The following NRXN3 variants were observed in gnomAD, a reference collection of about 807,000 sequenced individuals.
The protein encoded by NRXN3 is neurexin III.
In NRXN3, 32 loss-of-function variants were observed where a neutral mutation model predicts 137.6. The observed-to-expected ratio is 0.23, with a 90% confidence interval of 0.18 to 0.31. The LOEUF is 0.31. Among genes scored for constraint, NRXN3 ranks in the 10% least tolerant of loss-of-function variants. The pLI is 1.00. For synonymous variants in NRXN3, 798 were observed against 784.5 expected (o/e 1.02, Z -0.29); for missense variants, 1,574 against 2,062.5 (o/e 0.76, Z 4.59).
chr14:79,801,362 A>C (rs1485073809), intron 19 of NRXN3, among the ~76,000 whole-genome samples: 1 of 152,244 alleles, frequency 6.6e-6, no homozygotes. Context: ...AATTGTCAGC[A>C]ACAAAGAACA....
intron 6 of NRXN3, among the ~76,000 whole-genome samples, chr14:78,659,515 C>CA (rs1475328740): frequency 4.0e-5 from 6 of 151,582 alleles, no homozygotes; most frequent in East Asian, 1.9e-4. Flanking sequence ...TGTGTGTGTA[C>CA]AAAAAACATA....
intron 20 of NRXN3, chr14:79,860,979 G>A: frequency 1.0e-6 from 1 of 972,378 alleles, no homozygotes; most frequent in African/African-American, 1.6e-5. Flanking sequence ...GAATGACGTT[G>A]GTTGAGTGAG....
chr14:79,140,479 T>A (rs541731834), intron 15 of NRXN3, among the ~76,000 whole-genome samples: 86 of 152,178 alleles, frequency 5.7e-4, no homozygotes, highest in African/African-American at 1.8e-3. Context: ...TTAATGTTGG[T>A]TCACCCCCAT....
At chr14:79,637,146 C>A (rs944466529) in intron 16 of NRXN3, among the ~76,000 whole-genome samples, 1 of 152,102 alleles carries the variant, frequency 6.6e-6, no homozygotes, top group African/African-American at 2.4e-5. Flanking sequence ...ATCAGGTAAC[C>A]CCTTCCTACT....
At chr14:78,950,612 A>G (rs2099385164) in intron 10 of NRXN3, among the ~76,000 whole-genome samples, 1 of 151,914 alleles carries the variant, frequency 6.6e-6, no homozygotes. Flanking sequence ...AAAGAGAGGG[A>G]GGGAAGGAAG....
rs527486862 is a variant in NRXN3 at position 79,697,661 on chromosome 14, G to A, written c.3738G>A (p.Ala1246=). ...GRQLTIFNTQ[A]QIAIGGKDKG... Reference sequence around the variant, plus strand: ...AGTTAACCATCTTCAACACTCAGGCGCAAATAGCCATTGGTGGAAAGGACA... The same window carrying A: ...AGTTAACCATCTTCAACACTCAGGCACAAATAGCCATTGGTGGAAAGGACA... The change falls in exon 19 of 21, where the codon GCG becomes GCA. Residue 1246 remains alanine, a synonymous_variant. Transcript: ENST00000335750. 2.4e-5 allele frequency: 38 copies of A among 1,612,624 alleles called. 1 individual carries two copies. The highest frequency in any genetic ancestry group is 1.8e-4 in the South Asian group (16 of 91,026).
intron 16 of NRXN3, among the ~76,000 whole-genome samples, chr14:79,566,505 A>G (rs542944197): frequency 1.3e-5 from 2 of 152,026 alleles, no homozygotes; most frequent in Non-Finnish European, 2.9e-5. Context: ...TTTTGCCCCC[A>G]TGGAGAAGCA....
chr14:78,675,334 A>G (rs1233794617), intron 6 of NRXN3, among the ~76,000 whole-genome samples: 1 of 152,232 alleles, frequency 6.6e-6, no homozygotes, highest in Non-Finnish European at 1.5e-5. Flanking sequence ...AGTGGAATCT[A>G]AAAGTCTCTA....
intron 16 of NRXN3, among the ~76,000 whole-genome samples, chr14:79,510,232 G>A (rs577105759): frequency 6.6e-6 from 1 of 152,296 alleles, no homozygotes; most frequent in East Asian, 1.9e-4. Context: ...AGGGGTTCTC[G>A]GGATTCGTTG....
At chr14:79,716,414 T>C (rs2098823861) in intron 19 of NRXN3, among the ~76,000 whole-genome samples, 1 of 152,228 alleles carries the variant, frequency 6.6e-6, no homozygotes, top group African/African-American at 2.4e-5. Context: ...TATGTTGTAA[T>C]ATCAAGAAAC....
At chr14:79,256,117 T>C (rs899638970) in intron 15 of NRXN3, among the ~76,000 whole-genome samples, 68 of 151,978 alleles carry the variant, frequency 4.5e-4, no homozygotes, top group African/African-American at 1.6e-3. Context: ...TCTCTCTCCC[T>C]CTCTGTGTGT....
At chr14:78,598,094 A>T (rs1290615082) in intron 4 of NRXN3, among the ~76,000 whole-genome samples, 1 of 152,252 alleles carries the variant, frequency 6.6e-6, no homozygotes, top group Admixed American at 6.5e-5. Flanking sequence ...TAGATTCTGC[A>T]TTCCTCATTT....
intron 15 of NRXN3, among the ~76,000 whole-genome samples, chr14:79,383,589 T>A (rs2094528549): frequency 6.6e-6 from 1 of 152,152 alleles, no homozygotes; most frequent in African/African-American, 2.4e-5. Context: ...GCATTGCGAA[T>A]TCACAATACT....
chr14:78,285,511 G>A (rs1429064208), intron 3 of NRXN3, among the ~76,000 whole-genome samples: 1 of 152,090 alleles, frequency 6.6e-6, no homozygotes, highest in African/African-American at 2.4e-5. Context: ...AAAAGTAGTG[G>A]AACAGAATGC....
chr14:78,620,540 T>C (rs2097393326), intron 4 of NRXN3, among the ~76,000 whole-genome samples: 1 of 152,176 alleles, frequency 6.6e-6, no homozygotes, highest in Non-Finnish European at 1.5e-5. Flanking sequence ...GGGGAATCAC[T>C]GACAAAACAG....
At chr14:78,274,235 A>T (rs1398921493) in intron 2 of NRXN3, among the ~76,000 whole-genome samples, 1 of 152,142 alleles carries the variant, frequency 6.6e-6, no homozygotes, top group Non-Finnish European at 1.5e-5. Flanking sequence ...AATGCCTGAG[A>T]CTGGGTAATT....
At chr14:78,344,303 C>G (rs187255616) in intron 4 of NRXN3, among the ~76,000 whole-genome samples, 2 of 152,224 alleles carry the variant, frequency 1.3e-5, no homozygotes, top group African/African-American at 2.4e-5. Context: ...CATTCCTACC[C>G]TAGGGCATAT....
chr14:79,735,344 A>AT (rs569667726), intron 19 of NRXN3, among the ~76,000 whole-genome samples: 1 of 152,166 alleles, frequency 6.6e-6, no homozygotes, highest in Non-Finnish European at 1.5e-5. Context: ...CGCAAGACTA[A>AT]TTTTTTCCAC....
At chr14:78,652,769 G>A (rs1196348253) in intron 6 of NRXN3, among the ~76,000 whole-genome samples, 2 of 152,204 alleles carry the variant, frequency 1.3e-5, no homozygotes, top group Non-Finnish European at 2.9e-5. Context: ...GGATTTGTTT[G>A]TCTATTTATC....
Sources: gnomAD v4.1 joint callset for allele counts (sites outside exome capture counted in the v4.1 genomes callset) on GRCh38, gnomAD v4.1.1 for gene constraint, MANE v1.5 for transcripts, NCBI Gene and HGNC (gene_info 2026-07-23, HGNC 2026-07-21) for gene names.